Variants in ERBB4 observed in about 807,000 individuals in gnomAD.
ERBB4 encodes the protein receptor tyrosine-protein kinase erbB-4.
ERBB4 carries 42 observed loss-of-function variants against 158.0 expected under a neutral mutation model. That is an observed-to-expected ratio of 0.27 (90% CI 0.21 to 0.34). ERBB4 has a LOEUF of 0.34. Among genes scored for constraint, ERBB4 ranks in the 10% least tolerant of loss-of-function variants. The pLI is 1.00. For synonymous variants in ERBB4, 583 were observed against 558.7 expected (o/e 1.04, Z -0.61); for missense variants, 1,333 against 1,624.1 (o/e 0.82, Z 3.08).
At chr2:212,099,338 T>TA (rs1417809280) in intron 2 of ERBB4, among the ~76,000 whole-genome samples, 1 of 152,086 alleles carries the variant, frequency 6.6e-6, no homozygotes, top group Non-Finnish European at 1.5e-5. Context: ...TTATTTTACT[T>TA]ACTAAATAGT....
At position 211,424,281 on chromosome 2, in the gene ERBB4, T is replaced by C. The variant is rs2063577821; in HGVS notation, c.2740A>G (p.Met914Val). The C allele has an allele frequency of 6.2e-7, 1 of 1,612,894 alleles. No homozygotes were observed. The highest frequency in any genetic ancestry group is 8.5e-7 in the Non-Finnish European group (1 of 1,179,184). The change falls in exon 23 of 28, where the codon ATG becomes GTG. Residue 914 changes from methionine (M) to valine (V), a missense_variant. By Grantham distance (21) the Met-to-Val change is conservative. Coordinates refer to ENST00000342788, the MANE Select transcript of ERBB4 (RefSeq NM_005235.3). ...TCATAGGGTTTTCCTCCAAAGGTCATCAGTTCCCATATAGTAACTCCTATA... is the reference window on the plus strand; with the variant it reads ...TCATAGGGTTTTCCTCCAAAGGTCACCAGTTCCCATATAGTAACTCCTATA... The part of the protein sequence containing the change: ...WSYGVTIWEL[M>V]TFGGKPYDGI...
At chr2:211,584,378 C>T (rs2068199736) in intron 19 of ERBB4, among the ~76,000 whole-genome samples, 1 of 151,912 alleles carries the variant, frequency 6.6e-6, no homozygotes, top group Non-Finnish European at 1.5e-5. Context: ...TTATCAAGCA[C>T]TTGAGAGCAG....
chr2:211,714,126 T>C (rs1472349003), intron 7 of ERBB4, among the ~76,000 whole-genome samples: 1 of 152,200 alleles, frequency 6.6e-6, no homozygotes, highest in Non-Finnish European at 1.5e-5. Context: ...ACAAAACCTT[T>C]CTCATATTTT....
chr2:212,133,417 G>T lies in ERBB4; in HGVS notation c.83-8514C>A, dbSNP rs1193228572. ...TGGTGTTTTTTTTTTGTTTTGTTTT[G>T]TTTTTGTTTTTTTTTTTGCTATGTG... On this transcript the variant is annotated intron_variant, in intron 1 of 27. Coordinates refer to ENST00000342788, the MANE Select transcript of ERBB4 (RefSeq NM_005235.3). Among the ~76,000 whole-genome samples the T allele has an allele frequency of 5.0e-3, 677 of 135,140 alleles. 9 individuals are homozygous for T. Among genetic ancestry groups the T allele is most frequent in the African/African-American group, 0.02 (648 of 32,036 alleles). 88.7% of individuals were successfully genotyped at this position (135,140 alleles called of 152,430 possible).
At chr2:211,712,244 T>G (rs1373790541) in intron 8 of ERBB4, 68 bp from the exon 9 acceptor site, 4 of 1,461,860 alleles carry the variant, frequency 2.7e-6, no homozygotes, top group African/African-American at 1.4e-5. Context: ...CATTGCATCT[T>G]CATTATAAAA....
At chr2:212,310,324 T>A (rs1574652457) in intron 1 of ERBB4, among the ~76,000 whole-genome samples, 1 of 150,850 alleles carries the variant, frequency 6.6e-6, no homozygotes, top group East Asian at 2.0e-4. Flanking sequence ...TGTCTCTTTA[T>A]AGCGGCATCA....
intron 1 of ERBB4, among the ~76,000 whole-genome samples, chr2:212,197,288 A>G (rs1278874321): frequency 6.6e-6 from 1 of 152,222 alleles, no homozygotes. Flanking sequence ...TGGGAACAAT[A>G]AAGACACAAA....
intron 20 of ERBB4, among the ~76,000 whole-genome samples, chr2:211,533,287 G>A (rs1177454204): frequency 6.6e-6 from 1 of 151,866 alleles, no homozygotes; most frequent in Non-Finnish European, 1.5e-5. Flanking sequence ...ATTATATACA[G>A]TCTTGTGACC....
At chr2:212,434,867 T>C (rs963117862) in intron 1 of ERBB4, among the ~76,000 whole-genome samples, 4 of 151,980 alleles carry the variant, frequency 2.6e-5, no homozygotes, top group African/African-American at 9.7e-5. Context: ...AAATGTAAAA[T>C]ATCAACAAGT....
At chr2:212,385,095 T>C (rs912671820) in intron 1 of ERBB4, among the ~76,000 whole-genome samples, 3 of 151,502 alleles carry the variant, frequency 2.0e-5, no homozygotes, top group African/African-American at 7.3e-5. Flanking sequence ...AACTGGAAGA[T>C]TACACTTTAT....
At chr2:211,843,658 T>G (rs943666620) in intron 3 of ERBB4, among the ~76,000 whole-genome samples, 5 of 118,856 alleles carry the variant, frequency 4.2e-5, no homozygotes, top group African/African-American at 1.5e-4. Flanking sequence ...TATCTTAGTT[T>G]CGTTCTGTGT....
intron 16 of ERBB4, among the ~76,000 whole-genome samples, chr2:211,653,114 T>G (rs1474103349): frequency 2.0e-5 from 3 of 152,140 alleles, no homozygotes; most frequent in Non-Finnish European, 2.9e-5. Flanking sequence ...GAAAAAGTCT[T>G]GCTAAACATA....
chr2:211,637,073 T>A lies in ERBB4; in HGVS notation c.1947-6479A>T, dbSNP rs574498038. On this transcript the variant is annotated intron_variant, in intron 16 of 27. Coordinates refer to ENST00000342788, the MANE Select transcript of ERBB4 (RefSeq NM_005235.3). ...AATGTTACAATTCTCTATAAAGTTA[T>A]ATTTCATTTTAAAAATATAATTAGG... is the stretch of plus-strand genomic sequence containing the variant. Among the ~76,000 whole-genome samples the A allele has an allele frequency of 9.9e-5, 15 of 152,108 alleles. No homozygotes were observed. The East Asian group carries it at 2.9e-3, about 29-fold the overall frequency.
At chr2:211,767,669 GC>G (rs1559499985) in intron 4 of ERBB4, among the ~76,000 whole-genome samples, 2 of 152,222 alleles carry the variant, frequency 1.3e-5, no homozygotes, top group South Asian at 4.2e-4. Context: ...AAGGAGAAAA[GC>G]CCCTTATAAA....
rs1223146849 is a variant in ERBB4 at position 212,298,293 on chromosome 2, T to A, written c.83-173390A>T. On this transcript the variant is annotated intron_variant, in intron 1 of 27. Coordinates refer to ENST00000342788, the MANE Select transcript of ERBB4 (RefSeq NM_005235.3). The stretch of plus-strand genomic sequence containing the variant: ...TGAAATGCTTTGTATGTGCTTTACA[T>A]CATGAATAAATACAATCACAGATTT... 3.3e-5 allele frequency among the ~76,000 whole-genome samples: 5 copies of A among 151,968 alleles called. 1 individual carries two copies. The East Asian group carries it at 7.8e-4, about 24-fold the overall frequency.
intron 2 of ERBB4, among the ~76,000 whole-genome samples, chr2:212,022,046 A>T (rs1163251216): frequency 6.6e-6 from 1 of 152,208 alleles, no homozygotes; most frequent in African/African-American, 2.4e-5. Flanking sequence ...GGTTTCAGAG[A>T]AATAGGAATG....
intron 20 of ERBB4, among the ~76,000 whole-genome samples, chr2:211,460,073 C>T (rs2064489763): frequency 6.6e-6 from 1 of 152,106 alleles, no homozygotes; most frequent in African/African-American, 2.4e-5. Context: ...ATAATAACCA[C>T]CTTTTTCATG....
At chr2:212,277,486 T>C (rs1333309125) in intron 1 of ERBB4, among the ~76,000 whole-genome samples, 4 of 151,698 alleles carry the variant, frequency 2.6e-5, no homozygotes, top group Admixed American at 2.0e-4. Flanking sequence ...TTATTCATCA[T>C]TTCATTTCAA....
chr2:211,667,442 CG>C (rs2071673316), intron 14 of ERBB4, among the ~76,000 whole-genome samples: 1 of 134,838 alleles, frequency 7.4e-6, no homozygotes, highest in African/African-American at 2.8e-5. Flanking sequence ...GCTCAGAGCT[CG>C]AAAAAAAAAA....
Sources: gnomAD v4.1 joint callset for allele counts (sites outside exome capture counted in the v4.1 genomes callset) on GRCh38, gnomAD v4.1.1 for gene constraint, MANE v1.5 for transcripts, NCBI Gene and HGNC (gene_info 2026-07-23, HGNC 2026-07-21) for gene names.